CEP44: variants seen among roughly 807,000 people sequenced by gnomAD.
The protein encoded by CEP44 is centrosomal protein of 44 kDa.
CEP44 carries 45 observed loss-of-function variants against 46.7 expected under a neutral mutation model. The observed-to-expected ratio is 0.96, with a 90% confidence interval of 0.76 to 1.24. CEP44 has a LOEUF of 1.24. Among genes scored for constraint, CEP44 ranks in the 50% most tolerant of loss-of-function variants. CEP44 has a pLI of 0.00. For missense variants in CEP44, 475 were observed against 459.7 expected (o/e 1.03, Z -0.30); for synonymous variants, 142 against 146.0 (o/e 0.97, Z 0.20).
downstream of CEP44, among the ~76,000 whole-genome samples, chr4:174,323,902 AC>A (rs1742488066): frequency 6.6e-6 from 1 of 152,132 alleles, no homozygotes; most frequent in African/African-American, 2.4e-5. Flanking sequence ...TACTATGGTG[AC>A]CTGTACATCA....
downstream of CEP44, among the ~76,000 whole-genome samples, chr4:174,322,109 TAACA>T (rs1296828903): frequency 4.6e-5 from 7 of 152,140 alleles, no homozygotes; most frequent in African/African-American, 4.8e-5. Context: ...TGAAGATCAG[TAACA>T]AACATCAAAA....
chr4:174,313,408 C>T (rs868792621), intron 9 of CEP44, among the ~76,000 whole-genome samples: 6 of 149,916 alleles, frequency 4.0e-5, no homozygotes, highest in South Asian at 2.1e-4. Context: ...TGTGCTACCA[C>T]AGAAGAGTGT....
chr4:174,291,578 A>G (rs1303370727), intron 1 of CEP44, among the ~76,000 whole-genome samples: 2 of 151,970 alleles, frequency 1.3e-5, no homozygotes, highest in Non-Finnish European at 2.9e-5. Context: ...CAGTATTGCA[A>G]TATTCCATGT....
downstream of CEP44, among the ~76,000 whole-genome samples, chr4:174,321,038 A>G (rs1310031221): frequency 6.6e-6 from 1 of 152,068 alleles, no homozygotes; most frequent in Non-Finnish European, 1.5e-5. Flanking sequence ...AGATAGCAAA[A>G]AGATACTACA....
rs1742009597 is a variant in CEP44 at position 174,318,738 on chromosome 4, T to G, written c.*1355T>G. On this transcript the variant is annotated 3_prime_UTR_variant, in exon 12 of 12. Transcript: ENST00000503780. Reference sequence around the variant, plus strand: ...TATATGAGTAGAAATCACTTAAATTTTTTTTGTGTTTGTGAATTTGAAACA... The same window carrying G: ...TATATGAGTAGAAATCACTTAAATTGTTTTTGTGTTTGTGAATTTGAAACA... 2.5e-6 allele frequency: 2 copies of G among 786,294 alleles called. No individual in the cohort carries two copies. The highest frequency in any genetic ancestry group is 3.1e-6 in the Non-Finnish European group (2 of 649,406). The allele number at this position is 786,294 out of a possible 1,614,324, so 48.7% of individuals were successfully genotyped here.
At chr4:174,322,079 C>T (rs1026960008), downstream of CEP44, among the ~76,000 whole-genome samples, 7 of 152,156 alleles carry the variant, frequency 4.6e-5, no homozygotes, top group Non-Finnish European at 8.8e-5. Context: ...AAAACAACAC[C>T]ACAGCTGAGG....
rs1442008374 is a variant in CEP44 at position 174,312,851 on chromosome 4, C to T, written c.961+1993C>T. 6.6e-6 allele frequency among the ~76,000 whole-genome samples: 1 copy of T among 152,116 alleles called. No homozygotes were observed. The highest frequency in any genetic ancestry group is 2.4e-5 in the African/African-American group (1 of 41,416). On this transcript the variant is annotated intron_variant, in intron 9 of 11. Transcript: ENST00000503780. The surrounding 1 kb of genome is among the most constrained non-coding windows in gnomAD (Gnocchi z 4.5). ...TAATTTACTACTCTGGGTTTAGGAT[C>T]ATATTAAATCAGGAATAGTTTTTGT...
chr4:174,319,634 G>C lies in CEP44; in HGVS notation c.*2251G>C. 1.5e-6 allele frequency: 1 copy of C among 664,390 alleles called. No individual in the cohort carries two copies. Among genetic ancestry groups the C allele is most frequent in the Non-Finnish European group, 1.9e-6 (1 of 536,844 alleles). The allele number at this position is 664,390 out of a possible 1,614,324, so 41.2% of individuals were successfully genotyped here. On this transcript the variant is annotated 3_prime_UTR_variant, in exon 12 of 12. Transcript: ENST00000503780. ...TGCAAAATATAAGTAAGTATATATT[G>C]AAAATATAAAATATTTCATATATGT...
rs1741088074 is a variant in CEP44, at chr4:174,311,595, A to AAT, written c.961+744_961+745dup. ...TCTACTATATGTGTAACAATAAAAT[A>AAT]ATATATATTCTAGCACTAACAGTGT... On this transcript the variant is annotated intron_variant, in intron 9 of 11. Coordinates refer to ENST00000503780, the MANE Select transcript of CEP44 (RefSeq NM_001040157.3). The surrounding 1 kb of genome is among the most constrained non-coding windows in gnomAD (Gnocchi z 4.4). Among the ~76,000 whole-genome samples, 1 of 152,172 alleles carries AAT rather than the reference A, an allele frequency of 6.6e-6. No homozygotes were observed. Among genetic ancestry groups the AAT allele is most frequent in the African/African-American group, 2.4e-5 (1 of 41,454 alleles).
Position 174,310,103 on chromosome 4 carries a change from G to T in CEP44, c.885+47G>T. 1 of 1,517,648 alleles carries T rather than the reference G, an allele frequency of 6.6e-7. No homozygotes were observed. Among genetic ancestry groups the T allele is most frequent in the African/African-American group, 1.4e-5 (1 of 70,298 alleles). The allele number at this position is 1,517,648 out of a possible 1,614,324, so 94.0% of individuals were successfully genotyped here. On this transcript the variant is annotated intron_variant, in intron 8 of 11. Coordinates refer to ENST00000503780, the MANE Select transcript of CEP44 (RefSeq NM_001040157.3). This position sits in a 1 kb window ranked among gnomAD's most constrained non-coding sequence, Gnocchi z 4.2. The stretch of plus-strand genomic sequence containing the variant: ...TATAAAATATCTCAGATATAACAAA[G>T]TTTTTTTTTGATTGTTATATGTGTA...
Position 174,315,992 on chromosome 4 carries a change from T to C in CEP44, c.962-174T>C, listed in dbSNP as rs573485773. ...AATTTTTATTGGGCAATTTTTAACA[T>C]CTAGATCTCCATATGAAAGCTGTTA... On this transcript the variant is annotated intron_variant, in intron 9 of 11. Coordinates refer to ENST00000503780, the MANE Select transcript of CEP44 (RefSeq NM_001040157.3). Among the ~76,000 whole-genome samples the C allele has an allele frequency of 5.3e-5, 8 of 152,330 alleles. No individual in the cohort carries two copies. In the South Asian group the frequency reaches 1.7e-3, roughly 32 times the overall value.
rs766230370 is a variant in CEP44 at position 174,316,567 on chromosome 4, TGTAA to T, written c.1124+5_1124+8del. On this transcript the variant is annotated splice_donor_variant and splice_donor_region_variant and intron_variant, in intron 11 of 11. Transcript: ENST00000503780. LOFTEE classifies it high-confidence loss of function. The stretch of plus-strand genomic sequence containing the variant: ...CAGAAAATGGAAAGGATGAAAAAAA[TGTAA>T]GTAACAGAAAGGGGCAACAGAAATT... The T allele has an allele frequency of 2.3e-5, 36 of 1,590,828 alleles. No homozygotes were observed. The highest frequency in any genetic ancestry group is 2.9e-5 in the Non-Finnish European group (34 of 1,166,316).
intron 3 of CEP44, among the ~76,000 whole-genome samples, chr4:174,300,070 T>C (rs1259032161): frequency 6.6e-6 from 1 of 152,158 alleles, no homozygotes; most frequent in Non-Finnish European, 1.5e-5. Context: ...AGACATTTAT[T>C]GAATGAATGA....
rs563416557 is a variant in CEP44 at position 174,315,519 on chromosome 4, T to C, written c.962-647T>C. Among the ~76,000 whole-genome samples the C allele has an allele frequency of 6.6e-5, 10 of 152,278 alleles. No homozygotes were observed. The East Asian group carries it at 7.7e-4, about 12-fold the overall frequency. ...TTTAAAAGATATATATGGTCAGTTA[T>C]AGTAATAGTTGTCACTTGCCACAGA... On this transcript the variant is annotated intron_variant, in intron 9 of 11. Transcript: ENST00000503780.
rs751085071 is a variant in CEP44, at chr4:174,301,443, A to G, written c.90-596A>G. On this transcript the variant is annotated intron_variant, in intron 3 of 11. Coordinates refer to ENST00000503780, the MANE Select transcript of CEP44 (RefSeq NM_001040157.3). The surrounding 1 kb of genome is among the most constrained non-coding windows in gnomAD (Gnocchi z 4.3). The stretch of plus-strand genomic sequence containing the variant: ...GAGATTTGATGAATGATTTGTAAAA[A>G]ATAAATAATAATTGGATAAGCAAAG... Among the ~76,000 whole-genome samples, 4 of 152,190 alleles carry G rather than the reference A, an allele frequency of 2.6e-5. No homozygotes were observed. Among genetic ancestry groups the G allele is most frequent in the Admixed American group, 6.5e-5 (1 of 15,278 alleles).
At position 174,288,696 on chromosome 4, in the gene CEP44, A is replaced by G. The variant is rs1403411707; in HGVS notation, c.-148+4753A>G. Among the ~76,000 whole-genome samples, 4 of 152,140 alleles carry G rather than the reference A, an allele frequency of 2.6e-5. No homozygotes were observed. The highest frequency in any genetic ancestry group is 9.7e-5 in the African/African-American group (4 of 41,430). On this transcript the variant is annotated intron_variant, in intron 1 of 11. Coordinates refer to ENST00000503780, the MANE Select transcript of CEP44 (RefSeq NM_001040157.3). The surrounding 1 kb of genome is among the most constrained non-coding windows in gnomAD (Gnocchi z 4.6). ...ATCTAAGATCATGTCATCTGCAAACAGATATTGTACCTCTTCTCTTTTTAT... is the reference window on the plus strand; with the variant it reads ...ATCTAAGATCATGTCATCTGCAAACGGATATTGTACCTCTTCTCTTTTTAT...
chr4:174,298,903 C>T (rs1347831675), intron 2 of CEP44, among the ~76,000 whole-genome samples, 169 bp from the exon 3 acceptor site: 1 of 151,958 alleles, frequency 6.6e-6, no homozygotes, highest in Non-Finnish European at 1.5e-5. Context: ...TATTCAGAAA[C>T]TTATAGTAGT....
intron 1 of CEP44, among the ~76,000 whole-genome samples, chr4:174,292,531 G>A (rs575745752): frequency 2.6e-5 from 4 of 152,198 alleles, no homozygotes; most frequent in South Asian, 2.1e-4. Context: ...CATAAGTCCC[G>A]TAGTATTACT....
At position 174,320,251 on chromosome 4, in the gene CEP44, A is replaced by G. The variant is rs933025708; in HGVS notation, c.*2868A>G. 1.0e-5 allele frequency: 10 copies of G among 984,434 alleles called. No individual in the cohort carries two copies. The South Asian group carries it at 3.3e-4, about 32-fold the overall frequency. The allele number at this position is 984,434 out of a possible 1,614,324, so 61.0% of individuals were successfully genotyped here. On this transcript the variant is annotated 3_prime_UTR_variant, in exon 12 of 12. Transcript: ENST00000503780. ...TATTGAGTTGGAAAAAAGTAATTCT[A>G]TCATGTTTGCTTGTTTTCCTCTACT...
Sources: allele counts gnomAD v4.1 joint callset (sites outside exome capture counted in the v4.1 genomes callset), GRCh38; gene constraint gnomAD v4.1.1; non-coding constraint Gnocchi (gnomAD v3.1); transcripts MANE v1.5; gene names NCBI Gene and HGNC (gene_info 2026-07-23, HGNC 2026-07-21).